ARHGEF10L: variants seen among roughly 807,000 people sequenced by gnomAD.
The protein encoded by ARHGEF10L is rho guanine nucleotide exchange factor 10-like protein.
ARHGEF10L carries 69 observed loss-of-function variants against 141.2 expected under a neutral mutation model. The ratio of observed to expected loss-of-function variants is 0.49; its 90% confidence interval spans 0.40 to 0.60. The LOEUF (loss-of-function observed/expected upper bound fraction) is 0.60, where lower values mean the gene tolerates loss of function less well. Ranked by LOEUF, ARHGEF10L falls within the 20% of genes least tolerant of loss-of-function variation. ARHGEF10L has a pLI of 0.00. For synonymous variants in ARHGEF10L, 711 were observed against 718.5 expected (o/e 0.99, Z 0.17); for missense variants, 1,482 against 1,734.3 (o/e 0.85, Z 2.58).
chr1:17,668,612 G>A (rs991674865), intron 26 of ARHGEF10L, among the ~76,000 whole-genome samples: 1 of 152,206 alleles, frequency 6.6e-6, no homozygotes, highest in African/African-American at 2.4e-5. Context: ...GGCATCAGGA[G>A]GGCTGTTGGC....
At chr1:17,692,290 G>A (rs1417592530) in intron 27 of ARHGEF10L, among the ~76,000 whole-genome samples, 3 of 152,110 alleles carry the variant, frequency 2.0e-5, no homozygotes. Flanking sequence ...TTGCAGGGAC[G>A]CTATGAATGT....
chr1:17,535,139 C>T (rs2076556684), upstream of ARHGEF10L, among the ~76,000 whole-genome samples: 1 of 152,066 alleles, frequency 6.6e-6, no homozygotes, highest in Admixed American at 6.6e-5. Context: ...ACCAGATGGT[C>T]CCATCTGGGG....
chr1:17,604,998 C>T (rs978089938), intron 6 of ARHGEF10L: 1 of 152,278 alleles, frequency 6.6e-6, no homozygotes. Context: ...ATGGGGACCA[C>T]AGTACCCACC....
At chr1:17,681,717 C>A in intron 26 of ARHGEF10L, among the ~76,000 whole-genome samples, 1 of 152,298 alleles carries the variant, frequency 6.6e-6, no homozygotes. Context: ...GTTAGGGTAG[C>A]GTCGGCTGGA....
chr1:17,650,354 C>T (rs1328165834), intron 22 of ARHGEF10L, among the ~76,000 whole-genome samples: 2 of 152,156 alleles, frequency 1.3e-5, no homozygotes, highest in African/African-American at 4.8e-5. Flanking sequence ...GTTGAGGCTG[C>T]AGTGAGCTGT....
chr1:17,548,437 A>T (rs2076990245), intron 1 of ARHGEF10L, among the ~76,000 whole-genome samples: 1 of 152,064 alleles, frequency 6.6e-6, no homozygotes, highest in Admixed American at 6.6e-5. Flanking sequence ...AAATTTCAGG[A>T]AAGTGACTAG....
chr1:17,659,853 C>T (rs1475433463), intron 25 of ARHGEF10L, among the ~76,000 whole-genome samples: 3 of 152,224 alleles, frequency 2.0e-5, no homozygotes, highest in African/African-American at 7.2e-5. Flanking sequence ...ACAGAACCCA[C>T]AGAACCAGCA....
intron 9 of ARHGEF10L, 118 bp downstream of exon 9, chr1:17,616,320 T>G: frequency 1.2e-6 from 1 of 833,540 alleles, no homozygotes; most frequent in Non-Finnish European, 1.9e-6. Context: ...TGGCGTATGG[T>G]TCCTCTGGTG....
At position 17,673,451 on chromosome 1, in the gene ARHGEF10L, T is replaced by C. The variant is rs1266294766; in HGVS notation, c.3009+8856T>C. On this transcript the variant is annotated intron_variant, in intron 26 of 28. Transcript: ENST00000361221. The surrounding 1 kb of genome is among the most constrained non-coding windows in gnomAD (Gnocchi z 4.1). ...ATCCGCTGAATGTCAGCTGCTAGGC[T>C]GAGGGCTTAATGCAGTGGAGGTCAG... 6.6e-6 allele frequency among the ~76,000 whole-genome samples: 1 copy of C among 152,198 alleles called. No individual in the cohort carries two copies. The highest frequency in any genetic ancestry group is 1.5e-5 in the Non-Finnish European group (1 of 68,022).
intron 10 of ARHGEF10L, among the ~76,000 whole-genome samples, chr1:17,620,675 C>T (rs994966130): frequency 2.0e-5 from 3 of 152,032 alleles, no homozygotes; most frequent in Admixed American, 6.6e-5. Context: ...GGCAGGGAGC[C>T]GGGGTTCTGG....
chr1:17,575,928 G>A (rs547337655), intron 1 of ARHGEF10L, among the ~76,000 whole-genome samples: 74 of 152,348 alleles, frequency 4.9e-4, no homozygotes, highest in Admixed American at 1.4e-3. Flanking sequence ...AAGCGTGCTT[G>A]GGCCAGAACC....
At chr1:17,581,278 C>CTGGA (rs2078523639) in intron 2 of ARHGEF10L, among the ~76,000 whole-genome samples, 1 of 130,114 alleles carries the variant, frequency 7.7e-6, no homozygotes, top group Non-Finnish European at 1.6e-5. Flanking sequence ...CACCACTGCA[C>CTGGA]TCCAGCCTGG....
chr1:17,521,184 C>CTGATT, the ARHGEF10L span, among the ~76,000 whole-genome samples: 1 of 152,092 alleles, frequency 6.6e-6, no homozygotes, highest in African/African-American at 2.4e-5. Flanking sequence ...GGAGAGCTCA[C>CTGATT]TGTTTTGTTT....
chr1:17,556,280 G>A (rs1356132082), intron 1 of ARHGEF10L, among the ~76,000 whole-genome samples: 1 of 83,462 alleles, frequency 1.2e-5, no homozygotes, highest in Non-Finnish European at 2.5e-5. Flanking sequence ...GGCGGGGGGG[G>A]GGCCTGGGAG....
At chr1:17,520,250 C>T in the ARHGEF10L span, among the ~76,000 whole-genome samples, 6 of 152,180 alleles carry the variant, frequency 3.9e-5, no homozygotes, top group South Asian at 4.1e-4. Flanking sequence ...TCCTGCTTAC[C>T]GCCCTTGCCC....
intron 1 of ARHGEF10L, among the ~76,000 whole-genome samples, chr1:17,540,561 C>G (rs915171211): frequency 3.3e-5 from 5 of 152,172 alleles, no homozygotes; most frequent in African/African-American, 4.8e-5. Context: ...GACCAGCCCC[C>G]CTGGAGTCGC....
At chr1:17,674,734 A>T (rs2063537954) in intron 26 of ARHGEF10L, among the ~76,000 whole-genome samples, 1 of 152,212 alleles carries the variant, frequency 6.6e-6, no homozygotes, top group South Asian at 2.1e-4. Context: ...TGATGGTCCT[A>T]TACGATTACA....
intron 26 of ARHGEF10L, among the ~76,000 whole-genome samples, chr1:17,677,637 G>C (rs1230914795): frequency 6.6e-6 from 1 of 152,204 alleles, no homozygotes; most frequent in Admixed American, 6.5e-5. Context: ...CACTTAATCT[G>C]TATTAAGACT....
chr1:17,615,998 G>T lies in ARHGEF10L; in HGVS notation c.727-96G>T. 9.9e-7 allele frequency: 1 copy of T among 1,011,442 alleles called. No individual in the cohort carries two copies. Among genetic ancestry groups the T allele is most frequent in the Non-Finnish European group, 1.5e-6 (1 of 645,708 alleles). 62.7% of individuals were successfully genotyped at this position (1,011,442 alleles called of 1,614,324 possible). On this transcript the variant is annotated intron_variant, in intron 8 of 28. Transcript: ENST00000361221. This position sits in a 1 kb window ranked among gnomAD's most constrained non-coding sequence, Gnocchi z 4.7. ...GGGAGGGAAGGGTCTGGGTGGTTCT[G>T]ATCTCTGCAGGCCGAGGCCTGGGGA...
Sources: allele counts gnomAD v4.1 joint callset (sites outside exome capture counted in the v4.1 genomes callset), GRCh38; gene constraint gnomAD v4.1.1; non-coding constraint Gnocchi (gnomAD v3.1); transcripts MANE v1.5; gene names NCBI Gene and HGNC (gene_info 2026-07-23, HGNC 2026-07-21).